Variants in PATE1 observed in about 807,000 individuals in gnomAD.
The protein encoded by PATE1 is prostate and testis expressed protein 1.
PATE1 carries 21 observed loss-of-function variants against 13.1 expected under a neutral mutation model. The observed-to-expected ratio is 1.61, with a 90% CI of 1.14 to 2.31. The LOEUF is 2.31. Among genes scored for constraint, PATE1 ranks in the 30% most tolerant of loss-of-function variants. The pLI is 0.00. For missense variants in PATE1, 166 were observed against 147.2 expected (o/e 1.13, Z -0.66); for synonymous variants, 52 against 47.1 (o/e 1.10, Z -0.43).
chr11:125,746,580 G>T (rs1232230426), intron 1 of PATE1, 81 bp from the exon 2 acceptor site: 2 of 1,530,916 alleles, frequency 1.3e-6, no homozygotes, highest in South Asian at 1.1e-5. Context: ...GAGAGGAATT[G>T]AGTGGATGTT....
intron 2 of PATE1, 131 bp downstream of exon 2, chr11:125,746,827 C>T (rs1943276481): frequency 2.2e-6 from 2 of 890,046 alleles, no homozygotes; most frequent in Admixed American, 1.9e-5. Flanking sequence ...CACGCAACAA[C>T]CTCTTCCAGC....
chr11:125,748,033 C>T (rs2134165201), intron 4 of PATE1: 1 of 633,210 alleles, frequency 1.6e-6, no homozygotes, highest in Non-Finnish European at 2.6e-6. Flanking sequence ...AAGGGATTAG[C>T]ATTTTGAGAA....
rs758900227 is a variant in PATE1 at position 125,747,505 on chromosome 11, G to A, written c.124+94G>A. ...CCTTTCTTTCCCCTCCCATTTTTCAGGCTAAAATTCCTGAGACCATAAACC... is the reference window on the plus strand; with the variant it reads ...CCTTTCTTTCCCCTCCCATTTTTCAAGCTAAAATTCCTGAGACCATAAACC... On this transcript the variant is annotated intron_variant, in intron 3 of 4. Coordinates refer to ENST00000305738, the MANE Select transcript of PATE1 (RefSeq NM_138294.3). 21 of 1,457,674 alleles carry A rather than the reference G, an allele frequency of 1.4e-5. No individual in the cohort carries two copies. In the South Asian group the frequency reaches 2.3e-4, roughly 16 times the overall value. 90.3% of individuals were successfully genotyped at this position (1,457,674 alleles called of 1,614,324 possible).
intron 4 of PATE1, 141 bp from the exon 5 acceptor site, chr11:125,748,459 A>G (rs1006045371): frequency 2.4e-4 from 256 of 1,075,496 alleles, no homozygotes; most frequent in Non-Finnish European, 3.0e-4. Context: ...AGCTTGCAAC[A>G]TCTTCCAGTT....
rs1354126834 is a variant in PATE1 at position 125,748,915 on chromosome 11, C to T, written c.*182C>T. The T allele has an allele frequency of 1.6e-6, 1 of 631,398 alleles. No homozygotes were observed. Among genetic ancestry groups the T allele is most frequent in the Non-Finnish European group, 2.5e-6 (1 of 392,846 alleles). The allele number at this position is 631,398 out of a possible 1,614,324, so 39.1% of individuals were successfully genotyped here. On this transcript the variant is annotated 3_prime_UTR_variant, in exon 5 of 5. Transcript: ENST00000305738. ...CCCTCTCCTTTTCTACAGTCTCTGT[C>T]ACGCCCCTTAAAATAAGTAAATAAA...
In PATE1 at chr11:125,747,710, T is replaced by A; in HGVS notation, c.135T>A (p.Ile45=). The A allele has an allele frequency of 6.2e-7, 1 of 1,613,604 alleles. No homozygotes were observed. The highest frequency in any genetic ancestry group is 8.5e-7 in the Non-Finnish European group (1 of 1,179,728). Residue 45 remains isoleucine (I), a synonymous_variant, in exon 4 of 5, where the codon ATT becomes ATA. Transcript: ENST00000305738. The part of the protein sequence containing the change: ...AVKNNFPVIE[I]VQCRMCHLQF... ...CTCTCTCTGGCCAAGTGATAGAAAT[T>A]GTTCAGTGTAGGATGTGCCACCTCC...
chr11:125,748,189 G>A (rs1225924301), intron 4 of PATE1: 2 of 304,210 alleles, frequency 6.6e-6, no homozygotes, highest in East Asian at 7.0e-5. Context: ...TCTAAACTGT[G>A]GAAATAGAAG....
chr11:125,746,623 A>G, intron 1 of PATE1, 38 bp from the exon 2 acceptor site: 2 of 1,611,040 alleles, frequency 1.2e-6, no homozygotes, highest in Non-Finnish European at 1.7e-6. Flanking sequence ...TTGGAAAATG[A>G]GGTCTGCAGA....
chr11:125,748,904 A>C lies in PATE1; in HGVS notation c.*171A>C. Reference sequence around the variant, plus strand: ...GAAAGGAAAGTCCCTCTCCTTTTCTACAGTCTCTGTCACGCCCCTTAAAAT... The same window carrying C: ...GAAAGGAAAGTCCCTCTCCTTTTCTCCAGTCTCTGTCACGCCCCTTAAAAT... On this transcript the variant is annotated 3_prime_UTR_variant, in exon 5 of 5. Transcript: ENST00000305738. 1.4e-6 allele frequency: 1 copy of C among 733,992 alleles called. No individual in the cohort carries two copies. The highest frequency in any genetic ancestry group is 2.8e-5 in the East Asian group (1 of 36,104). The allele number at this position is 733,992 out of a possible 1,614,324, so 45.5% of individuals were successfully genotyped here.
chr11:125,748,536 G>C (rs943349825), intron 4 of PATE1, 64 bp from the exon 5 acceptor site: 1 of 1,575,048 alleles, frequency 6.3e-7, no homozygotes. Flanking sequence ...GTGGTCTGGA[G>C]AAAAGTTTTT....
Position 125,748,814 on chromosome 11 carries a change from T to G in PATE1, c.*81T>G. 1 of 1,043,812 alleles carries G rather than the reference T, an allele frequency of 9.6e-7. No homozygotes were observed. Among genetic ancestry groups the G allele is most frequent in the South Asian group, 1.5e-5 (1 of 65,916 alleles). The allele number at this position is 1,043,812 out of a possible 1,614,324, so 64.7% of individuals were successfully genotyped here. A position where few individuals can be genotyped will look rare whatever the true frequency, so the allele number is the denominator to read the frequency against. On this transcript the variant is annotated 3_prime_UTR_variant, in exon 5 of 5. Coordinates refer to ENST00000305738, the MANE Select transcript of PATE1 (RefSeq NM_138294.3). ...CTTCACAATGACTTTCTAAAAAAAA[T>G]CACACACACACACACACACACTACA...
chr11:125,747,940 A>G (rs1473419281), intron 4 of PATE1, 118 bp downstream of exon 4: 8 of 1,436,166 alleles, frequency 5.6e-6, no homozygotes, highest in Non-Finnish European at 7.6e-6. Flanking sequence ...CATACCTGGG[A>G]TGGCTGATTC....
At chr11:125,748,418 TC>T (rs1943292874) in intron 4 of PATE1, among the ~76,000 whole-genome samples, 181 bp from the exon 5 acceptor site, 1 of 152,192 alleles carries the variant, frequency 6.6e-6, no homozygotes, top group Non-Finnish European at 1.5e-5. Flanking sequence ...TTTAGACTGC[TC>T]CATCACTGCA....
intron 1 of PATE1, 24 bp from the exon 2 acceptor site, chr11:125,746,637 T>G (rs1440262539): frequency 6.2e-7 from 1 of 1,613,414 alleles, no homozygotes; most frequent in South Asian, 1.1e-5. Context: ...CTGCAGACAG[T>G]GTATCTCTTT....
chr11:125,747,551 G>A, intron 3 of PATE1, 140 bp downstream of exon 3: 1 of 1,421,934 alleles, frequency 7.0e-7, no homozygotes, highest in Non-Finnish European at 9.7e-7. Context: ...TCTTGGCTTA[G>A]TGTATTTCCA....
chr11:125,746,833 C>G (rs1943276511), intron 2 of PATE1, 137 bp downstream of exon 2: 1 of 856,100 alleles, frequency 1.2e-6, no homozygotes, highest in Non-Finnish European at 1.9e-6. Context: ...ACAACCTCTT[C>G]CAGCAGGACA....
intron 2 of PATE1, 71 bp from the exon 3 acceptor site, chr11:125,747,305 C>T (rs961967152): frequency 3.4e-5 from 49 of 1,460,724 alleles, no homozygotes; most frequent in Non-Finnish European, 4.5e-5. Context: ...GAAGGGCAGA[C>T]TATAAGAACC....
At chr11:125,746,840 G>A in intron 2 of PATE1, 144 bp downstream of exon 2, 1 of 819,554 alleles carries the variant, frequency 1.2e-6, no homozygotes, top group Non-Finnish European at 2.0e-6. Flanking sequence ...CTTCCAGCAG[G>A]ACAGAGCTGG....
Position 125,749,377 on chromosome 11 carries a change from A to T in PATE1, c.*644A>T, listed in dbSNP as rs1943310394. 9.4e-6 allele frequency: 1 copy of T among 106,250 alleles called. No homozygotes were observed. Among genetic ancestry groups the T allele is most frequent in the Non-Finnish European group, 1.9e-5 (1 of 52,982 alleles). 6.6% of individuals were successfully genotyped at this position (106,250 alleles called of 1,614,324 possible). On this transcript the variant is annotated 3_prime_UTR_variant, in exon 5 of 5. Transcript: ENST00000305738. ...TTTGGGGCTGGGGGTTGGAGAATAA[A>T]AGCAGGAGAAGTCTATGGGATTCTA...
Sources: gnomAD v4.1 joint callset for allele counts (sites outside exome capture counted in the v4.1 genomes callset) on GRCh38, gnomAD v4.1.1 for gene constraint, MANE v1.5 for transcripts, NCBI Gene and HGNC (gene_info 2026-07-23, HGNC 2026-07-21) for gene names.